Variants in TIGD6 observed in about 807,000 individuals in gnomAD.
The protein encoded by TIGD6 is tigger transposable element derived 6, also known as tigger transposable element-derived protein 6.
Under a neutral mutation model 2.6 loss-of-function variants are expected in TIGD6, and 1 was observed. That is an observed-to-expected ratio of 0.39 (90% CI 0.14 to 1.85). TIGD6 has a LOEUF of 1.85. Ranked by LOEUF, TIGD6 falls within the 40% of genes most tolerant of loss-of-function variation. The pLI, the probability that TIGD6 is intolerant of heterozygous loss-of-function variation, is 0.32. For synonymous variants in TIGD6, 193 were observed against 221.9 expected, an observed-to-expected ratio of 0.87 and a Z score of 1.16; for missense variants, 601 against 634.2, an observed-to-expected ratio of 0.95 and a Z score of 0.56.
rs1561833734 is a variant in TIGD6, at chr5:149,994,579, T to G, written c.*204A>C. On this transcript the variant is annotated 3_prime_UTR_variant, in exon 2 of 2. Coordinates refer to ENST00000296736, the MANE Select transcript of TIGD6 (RefSeq NM_030953.4). ...AAACCCTTGGATGAATCAAAATACA[T>G]CTTGAATCAAGGACCAGAGACAGCC... The G allele has an allele frequency of 4.5e-6, 2 of 443,436 alleles. No individual in the cohort carries two copies. Among genetic ancestry groups the G allele is most frequent in the Non-Finnish European group, 7.7e-6 (2 of 260,862 alleles). 27.5% of individuals were successfully genotyped at this position (443,436 alleles called of 1,614,324 possible).
rs772529943 is a variant in TIGD6, at chr5:149,995,982, A to C, written c.367T>G (p.Trp123Gly). Residue 123 changes from tryptophan to glycine, a missense_variant, in exon 2 of 2, where the codon TGG becomes GGG. By Grantham distance (184) the Trp-to-Gly change is radical (BLOSUM62 -2). Coordinates refer to ENST00000296736, the MANE Select transcript of TIGD6 (RefSeq NM_030953.4). ...TGGCGATCTCTAAATCTGTTCAGCC[A>C]GCCCACACTTGCTTGAAAATTGTCA... ...GYDNFQASVG[W>G]LNRFRDRHGI... The C allele has an allele frequency of 1.2e-6, 2 of 1,611,428 alleles. No homozygotes were observed. The highest frequency in any genetic ancestry group is 1.7e-6 in the Non-Finnish European group (2 of 1,180,030).
rs141864876 is a variant in TIGD6, at chr5:149,996,333, T to C, written c.16A>G (p.Asn6Asp). 360 of 1,605,928 alleles carry C rather than the reference T, an allele frequency of 2.2e-4. 1 individual carries two copies. In the African/African-American group the frequency reaches 4.4e-3, roughly 19 times the overall value. Residue 6 changes from asparagine (N) to aspartate (D), a missense_variant, in exon 2 of 2, where the codon AAC becomes GAC. Coordinates refer to ENST00000296736, the MANE Select transcript of TIGD6 (RefSeq NM_030953.4). ...AGAGAGAACTGCCGACGCTTCTTGTTCCCCTTGTTTGCCATTTCCAGGGAA... is the reference window on the plus strand; with the variant it reads ...AGAGAGAACTGCCGACGCTTCTTGTCCCCCTTGTTTGCCATTTCCAGGGAA... The part of the protein sequence containing the change: MANKG[N>D]KKRRQFSLEE...
In TIGD6 at chr5:149,995,064, T is replaced by C; in HGVS notation, c.1285A>G (p.Ile429Val). ...DFVTADDDLI[I>V]SQDTDIIQDM... is the part of the protein sequence containing the mutation. Reference sequence around the variant, plus strand: ...TGGATGATGTCTGTGTCCTGAGAGATAATGAGATCATCATCTGCAGTAACA... The same window carrying C: ...TGGATGATGTCTGTGTCCTGAGAGACAATGAGATCATCATCTGCAGTAACA... Residue 429 changes from isoleucine (I) to valine (V), a missense_variant, in exon 2 of 2, where the codon ATC becomes GTC. Physicochemically the swap from Ile to Val is conservative, Grantham distance 29. Coordinates refer to ENST00000296736, the MANE Select transcript of TIGD6 (RefSeq NM_030953.4). The C allele has an allele frequency of 6.2e-7, 1 of 1,614,246 alleles. No homozygotes were observed. Among genetic ancestry groups the C allele is most frequent in the Non-Finnish European group, 8.5e-7 (1 of 1,180,048 alleles).
Position 149,995,226 on chromosome 5 carries a change from C to A in TIGD6, c.1123G>T (p.Ala375Ser), listed in dbSNP as rs191368819. Residue 375 changes from alanine to serine, a missense_variant, in exon 2 of 2, where the codon GCA (alanine) becomes TCA (serine). By Grantham distance (99) the Ala-to-Ser change is moderately conservative. Coordinates refer to ENST00000296736, the MANE Select transcript of TIGD6 (RefSeq NM_030953.4). ...GCAAATTCCATAGGGACGATGCCTG[C>A]CTTCTGCCAACATTTCACCACTGTG... is the stretch of plus-strand genomic sequence containing the variant. Reference protein sequence around the residue: ...PSTVVKCWQKAGIVPMEFAEC... With the variant: ...PSTVVKCWQKSGIVPMEFAEC... 5.6e-6 allele frequency: 9 copies of A among 1,614,228 alleles called. No homozygotes were observed. The Middle Eastern group carries it at 9.9e-4, about 178-fold the overall frequency.
In TIGD6 at chr5:149,994,952, A is replaced by G. The variant is rs75604916; in HGVS notation, c.1397T>C (p.Ile466Thr). ...CTGTACACTTGATATGGCTTCTGTGATGGTGACTTTTGGTTGCTCTGGTAA... is the reference window on the plus strand; with the variant it reads ...CTGTACACTTGATATGGCTTCTGTGGTGGTGACTTTTGGTTGCTCTGGTAA... Reference protein sequence around the residue: ...VSLPEQPKVTITEAISSVQKL... With the variant: ...VSLPEQPKVTTTEAISSVQKL... The change falls in exon 2 of 2, where the codon ATC becomes ACC. Residue 466 changes from isoleucine (I) to threonine (T), a missense_variant. Ile to Thr is a moderately conservative substitution (Grantham distance 89). Coordinates refer to ENST00000296736, the MANE Select transcript of TIGD6 (RefSeq NM_030953.4). 617 of 1,612,804 alleles carry G rather than the reference A, an allele frequency of 3.8e-4. 5 individuals are homozygous for G. In the African/African-American group the frequency reaches 6.5e-3, roughly 17 times the overall value.
rs1755314919 is a variant in TIGD6 at position 149,993,787 on chromosome 5, T to C, written c.*996A>G. On this transcript the variant is annotated 3_prime_UTR_variant, in exon 2 of 2. Transcript: ENST00000296736. ...ACATTTCGTAAGGCCAGCATGGCAG[T>C]GTGCATCAGTAGTCCCATCTATTTG... 2 of 152,270 alleles carry C rather than the reference T, an allele frequency of 1.3e-5. No individual in the cohort carries two copies. The highest frequency in any genetic ancestry group is 1.3e-4 in the Admixed American group (2 of 15,280). 9.4% of individuals were successfully genotyped at this position (152,270 alleles called of 1,614,324 possible). A position where few individuals can be genotyped will look rare whatever the true frequency, so the allele number is the denominator to read the frequency against.
chr5:149,993,277 C>T lies in TIGD6; in HGVS notation c.*1506G>A, dbSNP rs1755302904. 1 of 152,084 alleles carries T rather than the reference C, an allele frequency of 6.6e-6. No individual in the cohort carries two copies. The highest frequency in any genetic ancestry group is 1.5e-5 in the Non-Finnish European group (1 of 68,028). The allele number at this position is 152,084 out of a possible 1,614,324, so 9.4% of individuals were successfully genotyped here. On this transcript the variant is annotated 3_prime_UTR_variant, in exon 2 of 2. Coordinates refer to ENST00000296736, the MANE Select transcript of TIGD6 (RefSeq NM_030953.4). ...TCTGCTGTTACCTGTTTTGACTGAG[C>T]TACTACAAAAAGAAAAATCACTGAA...
rs1218130528 is a variant in TIGD6 at position 149,996,061 on chromosome 5, C to G, written c.288G>C (p.Val96=). The change falls in exon 2 of 2, where the codon GTG becomes GTC. Residue 96 remains valine (V), a synonymous_variant. Coordinates refer to ENST00000296736, the MANE Select transcript of TIGD6 (RefSeq NM_030953.4). Reference sequence around the variant, plus strand: ...CTTTTTTCCGAATGACAGAACCAGTCACAAGAATGTTTTTGGCATGGATTT... The same window carrying G: ...CTTTTTTCCGAATGACAGAACCAGTGACAAGAATGTTTTTGGCATGGATTT... ...FQEIHAKNIL[V]TGSVIRKKAL... is the part of the protein sequence containing the mutation. 6.2e-7 allele frequency: 1 copy of G among 1,613,524 alleles called. No homozygotes were observed. Among genetic ancestry groups the G allele is most frequent in the Non-Finnish European group, 8.5e-7 (1 of 1,180,038 alleles).
In TIGD6 at chr5:149,994,887, C is replaced by G; in HGVS notation, c.1462G>C (p.Asp488His). The G allele has an allele frequency of 1.2e-6, 2 of 1,609,894 alleles. No homozygotes were observed. Among genetic ancestry groups the G allele is most frequent in the Non-Finnish European group, 8.5e-7 (1 of 1,177,082 alleles). ...QFLSTCVDIPDAIFGQLNGID... is the reference protein window; with the variant it reads ...QFLSTCVDIPHAIFGQLNGID... ...CCATTTAATTGTCCAAAAATGGCAT[C>G]AGGAATGTCTACACAAGTGGAAAGG... Residue 488 changes from aspartate to histidine, a missense_variant, in exon 2 of 2, where the codon GAT becomes CAT. Transcript: ENST00000296736.
rs1247640840 is a variant in TIGD6, at chr5:149,995,819, T to C, written c.530A>G (p.Asn177Ser). The C allele has an allele frequency of 6.2e-7, 1 of 1,614,262 alleles. No homozygotes were observed. The part of the protein sequence containing the change: ...IADYSPDDIF[N>S]ADETGVFFQL... ...GAAAAACACTCCTGTCTCATCAGCA[T>C]TAAAGATATCATCTGGGCTGTAGTC... is the stretch of plus-strand genomic sequence containing the variant. The change falls in exon 2 of 2, where the codon AAT (asparagine) becomes AGT (serine). Residue 177 changes from asparagine to serine, a missense_variant. Asn to Ser is a conservative substitution (Grantham distance 46, BLOSUM62 1). Coordinates refer to ENST00000296736, the MANE Select transcript of TIGD6 (RefSeq NM_030953.4).
At position 149,994,532 on chromosome 5, in the gene TIGD6, C is replaced by T; in HGVS notation, c.*251G>A. The T allele has an allele frequency of 3.5e-6, 1 of 285,454 alleles. No individual in the cohort carries two copies. Among genetic ancestry groups the T allele is most frequent in the Non-Finnish European group, 6.5e-6 (1 of 154,456 alleles). 17.7% of individuals were successfully genotyped at this position (285,454 alleles called of 1,614,324 possible). A position where few individuals can be genotyped will look rare whatever the true frequency, so the allele number is the denominator to read the frequency against. On this transcript the variant is annotated 3_prime_UTR_variant, in exon 2 of 2. Coordinates refer to ENST00000296736, the MANE Select transcript of TIGD6 (RefSeq NM_030953.4). ...AATTTTTAAAGGATTCTCAAGTGAT[C>T]CTAATTTGCAGACAAGTTTGGAAAC...
rs779832239 is a variant in TIGD6 at position 149,995,407 on chromosome 5, C to T, written c.942G>A (p.Leu314=). ...PSNCTAVLQP[L]NLGIIHTMKV... The stretch of plus-strand genomic sequence containing the variant: ...TCATGGTGTGAATTATGCCAAGATT[C>T]AGTGGCTGCAGGACAGCAGTACAGT... Residue 314 remains leucine, a synonymous_variant, in exon 2 of 2, where the codon CTG becomes CTA. Transcript: ENST00000296736. 5 of 1,614,236 alleles carry T rather than the reference C, an allele frequency of 3.1e-6. No individual in the cohort carries two copies. The highest frequency in any genetic ancestry group is 4.2e-6 in the Non-Finnish European group (5 of 1,180,038).
Position 149,995,169 on chromosome 5 carries a change from GT to G in TIGD6, c.1179del (p.Glu393AspfsTer23), listed in dbSNP as rs1166010265. On this transcript the variant is annotated frameshift_variant, in exon 2 of 2. Transcript: ENST00000296736. LOFTEE classifies it low-confidence loss of function (END_TRUNC). ...CACAACTTTTCAATGGCAATGTCTG[GT>G]TCACTGGCTGCTGATTCTGTGTCAC... Reference protein sequence around the residue: ...AECDTESAASEPDIAIEKLWH... With the variant: ...AECDTESAASXPDIAIEKLWH... The G allele has an allele frequency of 8.1e-6, 13 of 1,614,234 alleles. No individual in the cohort carries two copies. The highest frequency in any genetic ancestry group is 1.6e-4 in the Middle Eastern group (1 of 6,062).
intron 1 of TIGD6, among the ~76,000 whole-genome samples, chr5:149,997,149 CTACTTATTA>C (rs1419179578): frequency 1.3e-5 from 2 of 152,148 alleles, no homozygotes; most frequent in Admixed American, 1.3e-4. Flanking sequence ...AGAGGAAGAT[CTACTTATTA>C]TACAAAGGGT....
Position 149,994,986 on chromosome 5 carries a change from C to T in TIGD6, c.1363G>A (p.Glu455Lys), listed in dbSNP as rs367980254. 6.2e-7 allele frequency: 1 copy of T among 1,613,792 alleles called. No individual in the cohort carries two copies. The highest frequency in any genetic ancestry group is 8.5e-7 in the Non-Finnish European group (1 of 1,179,740). Reference sequence around the variant, plus strand: ...TTTGGTTGCTCTGGTAAAGATACCTCCCCTTCATCTTCACTTCCTGCTTCA... The same window carrying T: ...TTTGGTTGCTCTGGTAAAGATACCTTCCCTTCATCTTCACTTCCTGCTTCA... ...TSEAGSEDEGEVSLPEQPKVT... is the reference protein window; with the variant it reads ...TSEAGSEDEGKVSLPEQPKVT... The change falls in exon 2 of 2, where the codon GAG becomes AAG. Residue 455 changes from glutamate to lysine, a missense_variant. Glu to Lys is a moderately conservative substitution (Grantham distance 56, BLOSUM62 1). Coordinates refer to ENST00000296736, the MANE Select transcript of TIGD6 (RefSeq NM_030953.4).
chr5:149,999,411 T>C (rs768264734), intron 1 of TIGD6, among the ~76,000 whole-genome samples: 7 of 152,128 alleles, frequency 4.6e-5, no homozygotes, highest in Admixed American at 2.0e-4. Context: ...GTGTAAAGAA[T>C]GGAAGGGTAT....
In TIGD6 at chr5:149,995,251, G is replaced by A; in HGVS notation, c.1098C>T (p.Ser366=). The A allele has an allele frequency of 6.2e-7, 1 of 1,614,228 alleles. No homozygotes were observed. The highest frequency in any genetic ancestry group is 8.5e-7 in the Non-Finnish European group (1 of 1,180,036). The change falls in exon 2 of 2, where the codon TCC becomes TCT. Residue 366 remains serine, a synonymous_variant. Transcript: ENST00000296736. Reference sequence around the variant, plus strand: ...CCTTCTGCCAACATTTCACCACTGTGGATGGCTTGACTGACCACCACGCTG... The same window carrying A: ...CCTTCTGCCAACATTTCACCACTGTAGATGGCTTGACTGACCACCACGCTG... The part of the protein sequence containing the change: ...IAAAWWSVKP[S]TVVKCWQKAG...
At chr5:149,999,804 T>C (rs952276761) in intron 1 of TIGD6, 2 of 152,082 alleles carry the variant, frequency 1.3e-5, no homozygotes, top group African/African-American at 2.4e-5. Context: ...AGAGGAGACA[T>C]AGAAAGAGAA....
intron 1 of TIGD6, among the ~76,000 whole-genome samples, chr5:149,998,812 G>C (rs1755461626): frequency 1.3e-5 from 2 of 152,204 alleles, no homozygotes; most frequent in South Asian, 4.1e-4. Flanking sequence ...ATACAGAGAT[G>C]AATGGAGCAT....
Sources: allele counts gnomAD v4.1 joint callset (sites outside exome capture counted in the v4.1 genomes callset), GRCh38; gene constraint gnomAD v4.1.1; transcripts MANE v1.5; gene names NCBI Gene and HGNC (gene_info 2026-07-23, HGNC 2026-07-21).